Variants in CDH6 observed in about 807,000 individuals in gnomAD.
CDH6 encodes the protein cadherin 6, also known as cadherin-6.
In CDH6, 31 loss-of-function variants were observed where a neutral mutation model predicts 78.0. The observed-to-expected ratio is 0.40, with a 90% confidence interval of 0.30 to 0.54. CDH6 has a LOEUF of 0.54. CDH6 is among the 20% of genes least tolerant of loss of function. The probability of loss-of-function intolerance (pLI) is 0.56; values close to 1 mark genes in which losing one functional copy is unlikely to be tolerated. For missense variants in CDH6, 724 were observed against 975.9 expected (o/e 0.74, Z 3.44); for synonymous variants, 376 against 368.8 (o/e 1.02, Z -0.23).
chr5:31,243,122 CTTAGACTCTCCTTCTTCTCAAAATCT>C (rs1158252941), intron 1 of CDH6, among the ~76,000 whole-genome samples: 11 of 152,144 alleles, frequency 7.2e-5, no homozygotes, highest in Admixed American at 7.2e-4. Flanking sequence ...GTATAATACC[CTTAGACTCTCCTTCTTCTCAAAATCT>C]TGCAGTTCTT....
intron 1 of CDH6, among the ~76,000 whole-genome samples, chr5:31,254,225 T>TATATTTTA (rs1226721154): frequency 6.6e-6 from 1 of 152,216 alleles, no homozygotes; most frequent in Non-Finnish European, 1.5e-5. Flanking sequence ...ACCCTAATTT[T>TATATTTTA]ATATTTTAAT....
chr5:31,287,220 A>G (rs1297320928), intron 2 of CDH6, among the ~76,000 whole-genome samples: 1 of 152,182 alleles, frequency 6.6e-6, no homozygotes, highest in Non-Finnish European at 1.5e-5. Flanking sequence ...GACAAGGACC[A>G]AAGACACAGG....
chr5:31,276,886 G>A (rs1411264282), intron 2 of CDH6, among the ~76,000 whole-genome samples: 3 of 152,204 alleles, frequency 2.0e-5, no homozygotes, highest in African/African-American at 7.2e-5. Context: ...CGGGGCCCAA[G>A]ATATCACACT....
intron 6 of CDH6, among the ~76,000 whole-genome samples, chr5:31,302,954 A>AGAAAGAAAGAAAGAAAGAAAGAAGGAAG (rs1491181731): frequency 1.5e-5 from 2 of 129,698 alleles, no homozygotes; most frequent in African/African-American, 5.6e-5. Context: ...AAAGAAAGAA[A>AGAAAGAAAGAAAGAAAGAAAGAAGGAAG]GAAGGAAAGA....
chr5:31,214,754 A>G (rs1436557006), intron 1 of CDH6, among the ~76,000 whole-genome samples: 1 of 152,152 alleles, frequency 6.6e-6, no homozygotes, highest in East Asian at 1.9e-4. Context: ...GCCAATTTTG[A>G]ATGATTTCAT....
At chr5:31,226,180 T>G (rs1402825366) in intron 1 of CDH6, among the ~76,000 whole-genome samples, 1 of 152,082 alleles carries the variant, frequency 6.6e-6, no homozygotes, top group African/African-American at 2.4e-5. Context: ...TACGTATGTA[T>G]GTATGTATTT....
At chr5:31,233,989 G>T (rs1741387218) in intron 1 of CDH6, among the ~76,000 whole-genome samples, 1 of 152,154 alleles carries the variant, frequency 6.6e-6, no homozygotes, top group Admixed American at 6.5e-5. Flanking sequence ...ATTATTACAT[G>T]TTCCATTCTG....
chr5:31,241,900 T>C (rs1741613363), intron 1 of CDH6, among the ~76,000 whole-genome samples: 1 of 152,216 alleles, frequency 6.6e-6, no homozygotes, highest in Non-Finnish European at 1.5e-5. Context: ...ATAGAGTTGT[T>C]CCACTCTTCC....
intron 8 of CDH6, among the ~76,000 whole-genome samples, 176 bp from the exon 9 acceptor site, chr5:31,316,032 T>C (rs1482249784): frequency 3.3e-5 from 5 of 152,226 alleles, no homozygotes; most frequent in Admixed American, 2.0e-4. Flanking sequence ...CAACTCCAGA[T>C]GTACCAAACA....
chr5:31,246,665 T>C (rs1381194116), intron 1 of CDH6, among the ~76,000 whole-genome samples: 1 of 152,246 alleles, frequency 6.6e-6, no homozygotes, highest in East Asian at 1.9e-4. Context: ...TAAAACAATT[T>C]AGAATTCTTA....
chr5:31,209,230 T>C (rs1740624417), intron 1 of CDH6, among the ~76,000 whole-genome samples: 1 of 152,204 alleles, frequency 6.6e-6, no homozygotes, highest in African/African-American at 2.4e-5. Flanking sequence ...GCAAATCTTC[T>C]ACTGCATCTC....
intron 1 of CDH6, among the ~76,000 whole-genome samples, chr5:31,258,000 T>C (rs180773972): frequency 7.2e-5 from 11 of 152,268 alleles, no homozygotes; most frequent in Admixed American, 7.2e-4. Flanking sequence ...GTGTTTCTTA[T>C]CTCTCTGAAA....
intron 1 of CDH6, among the ~76,000 whole-genome samples, chr5:31,228,761 G>A (rs954389306): frequency 6.6e-6 from 1 of 152,142 alleles, no homozygotes; most frequent in Non-Finnish European, 1.5e-5. Context: ...TCTAATACAG[G>A]AGGCGGAGCT....
intron 7 of CDH6, among the ~76,000 whole-genome samples, chr5:31,308,021 A>T (rs559719378): frequency 6.6e-6 from 1 of 152,194 alleles, no homozygotes; most frequent in Non-Finnish European, 1.5e-5. Flanking sequence ...ATATATTGGT[A>T]TATAAATGGT....
At chr5:31,283,000 G>T (rs1361501699) in intron 2 of CDH6, among the ~76,000 whole-genome samples, 1 of 151,878 alleles carries the variant, frequency 6.6e-6, no homozygotes, top group South Asian at 2.1e-4. Flanking sequence ...TGGAAGGATG[G>T]ATGGATGGAT....
intron 1 of CDH6, among the ~76,000 whole-genome samples, chr5:31,257,584 A>T (rs1742092022): frequency 6.6e-6 from 1 of 152,164 alleles, no homozygotes; most frequent in South Asian, 2.1e-4. Context: ...ATCTGGTGTT[A>T]CTATGTGCCA....
At chr5:31,202,029 A>T (rs1343323002) in intron 1 of CDH6, among the ~76,000 whole-genome samples, 1 of 152,214 alleles carries the variant, frequency 6.6e-6, no homozygotes, top group Non-Finnish European at 1.5e-5. Flanking sequence ...GTGGGAAATG[A>T]AAAGTTTTAA....
At chr5:31,305,497 C>T in intron 7 of CDH6, 70 bp downstream of exon 7, 1 of 1,482,892 alleles carries the variant, frequency 6.7e-7, no homozygotes, top group Non-Finnish European at 9.1e-7. Context: ...TCTGCCTGCA[C>T]TTGAGAAAAG....
At chr5:31,297,933 T>C (rs376305967) in intron 4 of CDH6, among the ~76,000 whole-genome samples, 7 of 152,290 alleles carry the variant, frequency 4.6e-5, no homozygotes, top group African/African-American at 1.7e-4. Context: ...GTCTGTAGCC[T>C]GAATGTCTGA....
Sources: allele counts gnomAD v4.1 joint callset (sites outside exome capture counted in the v4.1 genomes callset), GRCh38; gene constraint gnomAD v4.1.1; transcripts MANE v1.5; gene names NCBI Gene and HGNC (gene_info 2026-07-23, HGNC 2026-07-21).